KCNQ5: variants seen among roughly 807,000 people sequenced by gnomAD.
KCNQ5 encodes the protein potassium voltage-gated channel subfamily Q member 5.
KCNQ5 carries 30 observed loss-of-function variants against 98.2 expected under a neutral mutation model. The ratio of observed to expected loss-of-function variants is 0.31; its 90% CI spans 0.23 to 0.41. The LOEUF (loss-of-function observed/expected upper bound fraction) is 0.41. Ranked by LOEUF, KCNQ5 falls within the 10% of genes least tolerant of loss-of-function variation. The pLI is 1.00. For missense variants in KCNQ5, 835 were observed against 1,182.5 expected (o/e 0.71, Z 4.31); for synonymous variants, 458 against 449.4 (o/e 1.02, Z -0.24).
At chr6:72,785,658 A>C (rs1408438652) in intron 1 of KCNQ5, among the ~76,000 whole-genome samples, 1 of 152,066 alleles carries the variant, frequency 6.6e-6, no homozygotes, top group Non-Finnish European at 1.5e-5. Flanking sequence ...CTCAAAAAAA[A>C]AAAACAAAAA....
chr6:72,663,881 T>C (rs1053174784), intron 1 of KCNQ5, among the ~76,000 whole-genome samples: 3 of 152,224 alleles, frequency 2.0e-5, no homozygotes, highest in African/African-American at 7.2e-5. Context: ...CTTTAAATCT[T>C]CAAGTATATT....
intron 1 of KCNQ5, among the ~76,000 whole-genome samples, chr6:72,711,682 CAA>C (rs1769376126): frequency 2.6e-5 from 4 of 151,776 alleles, no homozygotes; most frequent in Admixed American, 2.6e-4. Flanking sequence ...GAGACCTATC[CAA>C]AGGTCCCAGG....
chr6:73,043,085 G>T lies in KCNQ5; in HGVS notation c.616+1023G>T, dbSNP rs117168907. The T allele has an allele frequency of 4.9e-3, 1,954 of 396,246 alleles. 9 individuals are homozygous for T. The highest frequency in any genetic ancestry group is 6.3e-3 in the Non-Finnish European group (1,172 of 186,744). The allele number at this position is 396,246 out of a possible 1,614,324, so 24.5% of individuals were successfully genotyped here. A position where few individuals can be genotyped will look rare whatever the true frequency, so the allele number is the denominator to read the frequency against. ...TGTTTTAGGAGTCAGGAATTGTTGC[G>T]TAATCTTCTCAGTTTCCTCCCTTAC... On this transcript the variant is annotated intron_variant, in intron 3 of 13. Coordinates refer to ENST00000370398, the MANE Select transcript of KCNQ5 (RefSeq NM_019842.4).
rs2154471284 is a variant in KCNQ5 at position 72,623,294 on chromosome 6, A to G, written c.398+707A>G. On this transcript the variant is annotated intron_variant, in intron 1 of 13. Transcript: ENST00000370398. ...GGCAGCGGGGAACCTGGGGCGCAGG[A>G]ACGCGGGCGGAGGTGCGATAGCAGA... Among the ~76,000 whole-genome samples the G allele has an allele frequency of 1.3e-5, 2 of 152,200 alleles. 1 individual carries two copies. Among genetic ancestry groups the G allele is most frequent in the South Asian group, 4.1e-4 (2 of 4,828 alleles).
chr6:72,676,475 G>A (rs1767412654), intron 1 of KCNQ5, among the ~76,000 whole-genome samples: 1 of 152,188 alleles, frequency 6.6e-6, no homozygotes, highest in Non-Finnish European at 1.5e-5. Context: ...CTGAGAAGAA[G>A]CAGATTGGTG....
intron 1 of KCNQ5, among the ~76,000 whole-genome samples, chr6:72,997,848 G>A (rs1419979380): frequency 6.6e-6 from 1 of 151,076 alleles, no homozygotes; most frequent in Non-Finnish European, 1.5e-5. Context: ...TATTGATTAG[G>A]GTCTTTGTTA....
intron 2 of KCNQ5, among the ~76,000 whole-genome samples, chr6:73,014,950 G>C (rs982515752): frequency 6.6e-6 from 1 of 152,040 alleles, no homozygotes; most frequent in African/African-American, 2.4e-5. Context: ...ACTGGTCCTT[G>C]CAAAGTAGAA....
intron 2 of KCNQ5, among the ~76,000 whole-genome samples, chr6:73,030,489 A>T (rs1340910362): frequency 6.6e-6 from 1 of 152,244 alleles, no homozygotes; most frequent in Non-Finnish European, 1.5e-5. Context: ...ATATTGCCAC[A>T]AAGTACATTT....
chr6:73,181,631 A>G (rs1009151999), intron 11 of KCNQ5, among the ~76,000 whole-genome samples: 2 of 152,270 alleles, frequency 1.3e-5, no homozygotes, highest in South Asian at 4.1e-4. Context: ...AACACTTACT[A>G]TGTGCCAGGC....
chr6:72,647,471 G>GA (rs897393682), intron 1 of KCNQ5, among the ~76,000 whole-genome samples: 52 of 140,018 alleles, frequency 3.7e-4, no homozygotes, highest in Admixed American at 5.0e-4. Context: ...GAAAAAAAAA[G>GA]AAAAAAAAAA....
chr6:73,119,261 G>T (rs1262837194), intron 7 of KCNQ5, among the ~76,000 whole-genome samples: 1 of 152,166 alleles, frequency 6.6e-6, no homozygotes, highest in Non-Finnish European at 1.5e-5. Flanking sequence ...CAAGCAGTCA[G>T]CAAGTCTCCG....
chr6:73,002,501 G>T (rs1309709832), intron 1 of KCNQ5, among the ~76,000 whole-genome samples: 1 of 152,190 alleles, frequency 6.6e-6, no homozygotes, highest in Non-Finnish European at 1.5e-5. Context: ...ATGTAAGAAT[G>T]AGGAGAATGC....
chr6:72,725,229 TG>T (rs1435387516), intron 1 of KCNQ5, among the ~76,000 whole-genome samples: 3 of 152,154 alleles, frequency 2.0e-5, no homozygotes. Context: ...AAAATTACAT[TG>T]GGTTATATTA....
chr6:72,718,397 T>C (rs76083337), intron 1 of KCNQ5, among the ~76,000 whole-genome samples: 1,969 of 151,440 alleles, frequency 0.013, 33 homozygotes, highest in African/African-American at 0.041. Context: ...TGGTTTTCAA[T>C]TGGAGATTGA....
chr6:72,796,331 T>G (rs1348742848), intron 1 of KCNQ5, among the ~76,000 whole-genome samples: 1 of 152,168 alleles, frequency 6.6e-6, no homozygotes, highest in East Asian at 1.9e-4. Flanking sequence ...ATTTGAAAAT[T>G]ATGTGACTGC....
chr6:73,094,512 G>C (rs1262009754), intron 5 of KCNQ5, among the ~76,000 whole-genome samples: 2 of 151,948 alleles, frequency 1.3e-5, no homozygotes, highest in Non-Finnish European at 2.9e-5. Context: ...TTGTTTTATA[G>C]GTCCTGTGAG....
intron 2 of KCNQ5, among the ~76,000 whole-genome samples, chr6:73,027,481 C>T (rs1480609789): frequency 6.6e-6 from 1 of 152,174 alleles, no homozygotes; most frequent in Non-Finnish European, 1.5e-5. Flanking sequence ...TGGGAGGAGG[C>T]ATATCTCCTA....
At chr6:72,736,302 G>A (rs1055564597) in intron 1 of KCNQ5, among the ~76,000 whole-genome samples, 1 of 151,942 alleles carries the variant, frequency 6.6e-6, no homozygotes, top group Non-Finnish European at 1.5e-5. Flanking sequence ...TTAAAAAGTG[G>A]CAGCAATCTC....
intron 1 of KCNQ5, among the ~76,000 whole-genome samples, chr6:72,821,844 A>G (rs1350570996): frequency 2.0e-5 from 3 of 152,036 alleles, no homozygotes; most frequent in Non-Finnish European, 2.9e-5. Context: ...AGCTGCCCTC[A>G]GAGAACTCTA....
Sources: allele counts gnomAD v4.1 joint callset (sites outside exome capture counted in the v4.1 genomes callset), GRCh38; gene constraint gnomAD v4.1.1; transcripts MANE v1.5; gene names NCBI Gene and HGNC (gene_info 2026-07-23, HGNC 2026-07-21).